The following EFCAB6 variants were observed in gnomAD, a reference collection of about 807,000 sequenced individuals.
The protein encoded by EFCAB6 is EF-hand calcium binding domain 6.
EFCAB6 carries 156 observed loss-of-function variants against 169.8 expected under a neutral mutation model. That is an observed-to-expected ratio of 0.92 (90% CI 0.81 to 1.05). The LOEUF (loss-of-function observed/expected upper bound fraction) is 1.05, where lower values mean the gene tolerates loss of function less well. EFCAB6 is among the 50% of genes least tolerant of loss of function. The pLI is 0.00. For synonymous variants in EFCAB6, 698 were observed against 676.4 expected (o/e 1.03, Z -0.50); for missense variants, 1,800 against 1,829.1 (o/e 0.98, Z 0.29).
chr22:43,574,784 A>G (rs187478938), intron 26 of EFCAB6, among the ~76,000 whole-genome samples: 158 of 152,338 alleles, frequency 1.0e-3, no homozygotes, highest in Non-Finnish European at 1.9e-3. Flanking sequence ...ATTTGTAGAC[A>G]ACGAGACCTG....
In EFCAB6 at chr22:43,540,340, G is replaced by A. The variant is rs1316330819; in HGVS notation, c.3666C>T (p.Asn1222=). The A allele has an allele frequency of 5.6e-6, 9 of 1,614,034 alleles. No individual in the cohort carries two copies. Among genetic ancestry groups the A allele is most frequent in the African/African-American group, 1.3e-5 (1 of 74,932 alleles). ...TCCCCTTGGCATTGACTGGCATCTC[G>A]TTCCAGAGTCTGTCAAACTGGAGAA... ...LTDEQFDRLW[N]EMPVNAKGRL... Residue 1222 remains asparagine, a synonymous_variant, in exon 28 of 32, where the codon AAC becomes AAT. Transcript: ENST00000262726.
intron 3 of EFCAB6, among the ~76,000 whole-genome samples, chr22:43,779,914 C>T (rs1023362726): frequency 1.3e-5 from 2 of 152,032 alleles, no homozygotes; most frequent in African/African-American, 4.8e-5. Flanking sequence ...AAAAGACCAA[C>T]CCAAAGTAGG....
intron 26 of EFCAB6, among the ~76,000 whole-genome samples, chr22:43,566,748 A>T (rs757908352): frequency 1.2e-4 from 18 of 152,104 alleles, no homozygotes; most frequent in Non-Finnish European, 2.2e-4. Context: ...TGCCAGGCAC[A>T]CTCCCATGCA....
At chr22:43,682,051 C>A (rs1187773277) in intron 12 of EFCAB6, among the ~76,000 whole-genome samples, 1 of 152,122 alleles carries the variant, frequency 6.6e-6, no homozygotes, top group Non-Finnish European at 1.5e-5. Flanking sequence ...CCATGACTGC[C>A]CTGAGCAGCC....
At position 43,799,329 on chromosome 22, in the gene EFCAB6, CCA is replaced by C. The variant is rs112231545; in HGVS notation, c.-8+9664_-8+9665del. ...TGGGTAACAGAATGAGAATCTGTCT[CCA>C]CACACACACACACACACACACACAC... On this transcript the variant is annotated intron_variant, in intron 2 of 31. Coordinates refer to ENST00000262726, the MANE Select transcript of EFCAB6 (RefSeq NM_022785.4). Among the ~76,000 whole-genome samples, 483 of 146,384 alleles carry C rather than the reference CCA, an allele frequency of 3.3e-3. 1 individual carries two copies. The highest frequency in any genetic ancestry group is 8.7e-3 in the African/African-American group (343 of 39,530).
chr22:43,769,020 A>T (rs2061395969), intron 4 of EFCAB6, among the ~76,000 whole-genome samples: 2 of 152,242 alleles, frequency 1.3e-5, no homozygotes, highest in Admixed American at 1.3e-4. Context: ...CTGAAAACAT[A>T]TGTTCACACG....
chr22:43,548,434 G>A (rs1376370466), intron 27 of EFCAB6, among the ~76,000 whole-genome samples: 2 of 147,924 alleles, frequency 1.4e-5, no homozygotes, highest in Non-Finnish European at 3.0e-5. Flanking sequence ...CAGCTACTTG[G>A]GAGGCTGAGG....
At position 43,809,478 on chromosome 22, in the gene EFCAB6, C is replaced by A. The variant is rs560885430; in HGVS notation, c.-144-347G>T. Among the ~76,000 whole-genome samples the A allele has an allele frequency of 1.8e-4, 27 of 152,354 alleles. No individual in the cohort carries two copies. In the South Asian group the frequency reaches 5.2e-3, roughly 29 times the overall value. ...AAGTGTTTGAGAGTGATAGCATACT[C>A]ATCAAGAACACAGGTTATTATCAGG... On this transcript the variant is annotated intron_variant, in intron 1 of 31. Coordinates refer to ENST00000262726, the MANE Select transcript of EFCAB6 (RefSeq NM_022785.4).
At chr22:43,605,558 G>A (rs541963185) in intron 22 of EFCAB6, among the ~76,000 whole-genome samples, 34 of 142,206 alleles carry the variant, frequency 2.4e-4, no homozygotes, top group Non-Finnish European at 4.1e-4. Flanking sequence ...CAGGAGAATC[G>A]CTTGAACCTG....
chr22:43,679,806 A>G (rs1261181073), intron 12 of EFCAB6, among the ~76,000 whole-genome samples: 1 of 152,132 alleles, frequency 6.6e-6, no homozygotes, highest in East Asian at 1.9e-4. Flanking sequence ...AATGTCTATT[A>G]ATATATTTTA....
intron 12 of EFCAB6, among the ~76,000 whole-genome samples, chr22:43,683,099 C>A (rs1603200889): frequency 6.6e-6 from 1 of 152,258 alleles, no homozygotes; most frequent in South Asian, 2.1e-4. Flanking sequence ...TGTACACAGT[C>A]CTGTGTGAGT....
At chr22:43,576,262 T>C in intron 26 of EFCAB6, 35 bp downstream of exon 26, 1 of 1,540,866 alleles carries the variant, frequency 6.5e-7, no homozygotes, top group Non-Finnish European at 8.7e-7. Context: ...TAGCTCATTT[T>C]CAAAGAGATG....
At chr22:43,589,806 A>G (rs2051349423) in intron 24 of EFCAB6, among the ~76,000 whole-genome samples, 1 of 152,138 alleles carries the variant, frequency 6.6e-6, no homozygotes, top group Admixed American at 6.5e-5. Context: ...AAAACAACCA[A>G]GTAAACAAAA....
At chr22:43,547,344 T>C (rs2048116542) in intron 27 of EFCAB6, among the ~76,000 whole-genome samples, 1 of 152,170 alleles carries the variant, frequency 6.6e-6, no homozygotes, top group Non-Finnish European at 1.5e-5. Context: ...TTTGTTTTGT[T>C]ACATACGATA....
At chr22:43,599,181 C>T (rs2052288822) in intron 23 of EFCAB6, among the ~76,000 whole-genome samples, 1 of 152,162 alleles carries the variant, frequency 6.6e-6, no homozygotes, top group African/African-American at 2.4e-5. Flanking sequence ...CTCTTTCAGG[C>T]TACTCTTTGC....
chr22:43,741,633 C>T (rs1020264806), intron 6 of EFCAB6, among the ~76,000 whole-genome samples: 5 of 152,176 alleles, frequency 3.3e-5, no homozygotes, highest in African/African-American at 1.2e-4. Context: ...GTTTGCTGCC[C>T]TATCTTCAGG....
intron 27 of EFCAB6, chr22:43,552,479 T>G (rs536344270): frequency 6.6e-6 from 1 of 152,356 alleles, no homozygotes; most frequent in East Asian, 1.9e-4. Context: ...TGTTGTTTTT[T>G]GACTTTTAAA....
At chr22:43,691,330 G>A (rs973138437) in intron 10 of EFCAB6, among the ~76,000 whole-genome samples, 5 of 152,134 alleles carry the variant, frequency 3.3e-5, no homozygotes, top group Non-Finnish European at 4.4e-5. Flanking sequence ...TTTTTATAAT[G>A]GAAACTATAG....
At position 43,559,029 on chromosome 22, in the gene EFCAB6, G is replaced by A. The variant is rs540287517; in HGVS notation, c.3421-3933C>T. ...AATTGATGAATGGGATCTAATCAAA[G>A]TAAAGAGCTTCTGCATAGCAAAATA... On this transcript the variant is annotated intron_variant, in intron 26 of 31. Coordinates refer to ENST00000262726, the MANE Select transcript of EFCAB6 (RefSeq NM_022785.4). Among the ~76,000 whole-genome samples the A allele has an allele frequency of 2.6e-5, 4 of 152,226 alleles. No homozygotes were observed. The East Asian group carries it at 7.7e-4, about 29-fold the overall frequency.
Sources: gnomAD v4.1 joint callset for allele counts (sites outside exome capture counted in the v4.1 genomes callset) on GRCh38, gnomAD v4.1.1 for gene constraint, MANE v1.5 for transcripts, NCBI Gene and HGNC (gene_info 2026-07-23, HGNC 2026-07-21) for gene names.